The following SPAG9 variants were observed in gnomAD, a reference collection of about 807,000 sequenced individuals.
SPAG9 encodes the protein C-Jun-amino-terminal kinase-interacting protein 4.
Under a neutral mutation model 166.5 loss-of-function variants are expected in SPAG9, and 35 were observed. That is an observed-to-expected ratio of 0.21 (90% CI 0.16 to 0.28). The LOEUF is 0.28. Ranked by LOEUF, SPAG9 falls within the 10% of genes least tolerant of loss-of-function variation. The pLI, the probability that SPAG9 is intolerant of heterozygous loss-of-function variation, is 1.00. For synonymous variants in SPAG9, 534 were observed against 565.5 expected, an observed-to-expected ratio of 0.94 and a Z score of 0.79; for missense variants, 1,235 against 1,603.3, an observed-to-expected ratio of 0.77 and a Z score of 3.92.
At chr17:51,027,697 G>A (rs58522649) in intron 6 of SPAG9, among the ~76,000 whole-genome samples, 23,793 of 152,098 alleles carry the variant, frequency 0.16, 1,900 homozygotes, top group East Asian at 0.19. Context: ...GCACTGCCAG[G>A]TGTATAAAAG....
At chr17:51,095,229 G>A (rs925628503) in intron 1 of SPAG9, among the ~76,000 whole-genome samples, 3 of 150,116 alleles carry the variant, frequency 2.0e-5, no homozygotes, top group Non-Finnish European at 4.4e-5. Flanking sequence ...CCAGGAGATG[G>A]AGCTTGCAAT....
At chr17:51,043,474 C>A (rs997011154) in intron 4 of SPAG9, among the ~76,000 whole-genome samples, 2 of 152,102 alleles carry the variant, frequency 1.3e-5, no homozygotes, top group Non-Finnish European at 2.9e-5. Context: ...TAAATTACAT[C>A]TTTTCTTCTT....
intron 2 of SPAG9, among the ~76,000 whole-genome samples, chr17:51,077,792 G>A (rs1170748394): frequency 2.0e-5 from 3 of 151,518 alleles, no homozygotes; most frequent in South Asian, 2.1e-4. Context: ...CTAGGACTAC[G>A]GGTGCGCACC....
intron 6 of SPAG9, among the ~76,000 whole-genome samples, chr17:51,021,631 T>C (rs1465676191): frequency 1.3e-5 from 2 of 152,230 alleles, no homozygotes; most frequent in Admixed American, 1.3e-4. Context: ...AATAAAACTA[T>C]ACATTAATGT....
intron 23 of SPAG9, 38 bp downstream of exon 23, chr17:50,985,660 A>G: frequency 8.4e-7 from 1 of 1,191,406 alleles, no homozygotes; most frequent in Non-Finnish European, 1.2e-6. Flanking sequence ...ACCAAAATGC[A>G]TAGTTTTAAC....
intron 4 of SPAG9, among the ~76,000 whole-genome samples, 177 bp from the exon 5 acceptor site, chr17:51,041,828 T>C (rs2046849581): frequency 6.6e-6 from 1 of 152,216 alleles, no homozygotes; most frequent in African/African-American, 2.4e-5. Context: ...TCAGTTTAGT[T>C]AGCCTCAGGA....
In SPAG9 at chr17:51,056,016, ATAGATG is replaced by A. The variant is rs534348366; in HGVS notation, c.495+390_495+395del. On this transcript the variant is annotated intron_variant, in intron 3 of 29. Transcript: ENST00000262013. ...GCAAATAAGTCCTTTACAATGGATA[ATAGATG>A]TAGAGACCCTTTACCAATAACTTAC... Among the ~76,000 whole-genome samples, 391 of 152,302 alleles carry A rather than the reference ATAGATG, an allele frequency of 2.6e-3. 3 individuals are homozygous for A. Among genetic ancestry groups the A allele is most frequent in the African/African-American group, 8.4e-3 (350 of 41,558 alleles).
chr17:51,070,802 A>C (rs1431946254), intron 2 of SPAG9, among the ~76,000 whole-genome samples: 1 of 152,200 alleles, frequency 6.6e-6, no homozygotes, highest in African/African-American at 2.4e-5. Flanking sequence ...GGTAAAAAAC[A>C]CAGTGGCCAT....
intron 12 of SPAG9, among the ~76,000 whole-genome samples, chr17:51,004,543 G>A (rs1567986821): frequency 6.6e-6 from 1 of 152,140 alleles, no homozygotes; most frequent in Non-Finnish European, 1.5e-5. Flanking sequence ...TTAGAGACCA[G>A]CCTGGCCAAC....
At chr17:51,113,035 A>T (rs559814342) in intron 1 of SPAG9, among the ~76,000 whole-genome samples, 1 of 151,856 alleles carries the variant, frequency 6.6e-6, no homozygotes, top group East Asian at 1.9e-4. Flanking sequence ...AGAAAAAAAA[A>T]ATGGTATTTT....
intron 1 of SPAG9, among the ~76,000 whole-genome samples, chr17:51,096,482 T>C (rs1423829110): frequency 6.6e-6 from 1 of 152,216 alleles, no homozygotes; most frequent in Non-Finnish European, 1.5e-5. Context: ...TTTATACTAC[T>C]GATAGGAATA....
intron 2 of SPAG9, among the ~76,000 whole-genome samples, chr17:51,077,721 G>A (rs977922731): frequency 6.6e-6 from 1 of 151,990 alleles, no homozygotes; most frequent in Non-Finnish European, 1.5e-5. Flanking sequence ...TGCAATCTCA[G>A]CTCACTGCAA....
At chr17:51,034,400 G>A (rs940325539) in intron 5 of SPAG9, among the ~76,000 whole-genome samples, 28 of 152,154 alleles carry the variant, frequency 1.8e-4, no homozygotes, top group Admixed American at 5.2e-4. Context: ...ATTTTTAAGA[G>A]TGGGGCAGGG....
Position 51,006,201 on chromosome 17 carries a change from T to C in SPAG9, c.1308A>G (p.Ala436=), listed in dbSNP as rs941734965. 2 of 1,614,098 alleles carry C rather than the reference T, an allele frequency of 1.2e-6. No homozygotes were observed. Among genetic ancestry groups the C allele is most frequent in the Non-Finnish European group, 1.7e-6 (2 of 1,180,024 alleles). ...TCTCACAGGTCAGTTCATCCACTTT[T>C]GCTATCAAATCATTCTTCACTATGT... ...ALNIVKNDLI[A]KVDELTCEKD... is the part of the protein sequence containing the mutation. Residue 436 remains alanine (A), a synonymous_variant, in exon 11 of 30, where the codon GCA becomes GCG. Coordinates refer to ENST00000262013, the MANE Select transcript of SPAG9 (RefSeq NM_001130528.3).
At chr17:50,970,295 C>G (rs1229653160) in intron 29 of SPAG9, among the ~76,000 whole-genome samples, 1 of 152,096 alleles carries the variant, frequency 6.6e-6, no homozygotes, top group African/African-American at 2.4e-5. Flanking sequence ...AGGCGGATCA[C>G]TTGAGGTCAG....
intron 28 of SPAG9, among the ~76,000 whole-genome samples, chr17:50,974,339 G>A (rs568245984): frequency 6.6e-6 from 1 of 152,256 alleles, no homozygotes; most frequent in South Asian, 2.1e-4. Context: ...CAGAGACACA[G>A]GGGCCAGACC....
At chr17:51,082,218 T>C (rs1361609974) in intron 1 of SPAG9, among the ~76,000 whole-genome samples, 1 of 151,194 alleles carries the variant, frequency 6.6e-6, no homozygotes, top group East Asian at 1.9e-4. Flanking sequence ...CTCTACTAAA[T>C]ACAAAAATTA....
chr17:51,067,091 T>G (rs988174514), intron 2 of SPAG9, among the ~76,000 whole-genome samples: 2 of 152,186 alleles, frequency 1.3e-5, no homozygotes, highest in Non-Finnish European at 2.9e-5. Context: ...ACAATATAAA[T>G]CATGTAACAT....
intron 1 of SPAG9, among the ~76,000 whole-genome samples, chr17:51,084,902 G>C (rs1773389653): frequency 6.6e-6 from 1 of 151,984 alleles, no homozygotes; most frequent in Admixed American, 6.6e-5. Flanking sequence ...CCAGGCTGGA[G>C]TGCAGTGGCA....
Sources: gnomAD v4.1 joint callset for allele counts (sites outside exome capture counted in the v4.1 genomes callset) on GRCh38, gnomAD v4.1.1 for gene constraint, MANE v1.5 for transcripts, NCBI Gene and HGNC (gene_info 2026-07-23, HGNC 2026-07-21) for gene names.